KCP: variants seen among roughly 807,000 people sequenced by gnomAD.
KCP encodes the protein kielin cysteine rich BMP regulator, also known as kielin/chordin-like protein.
KCP carries 194 observed loss-of-function variants against 212.7 expected under a neutral mutation model. That is an observed-to-expected ratio of 0.91 (90% CI 0.81 to 1.03). The LOEUF is 1.03. Ranked by LOEUF, KCP falls within the 50% of genes least tolerant of loss-of-function variation. The pLI is 0.00. For synonymous variants in KCP, 833 were observed against 865.3 expected, an observed-to-expected ratio of 0.96 and a Z score of 0.65; for missense variants, 2,080 against 2,162.5, an observed-to-expected ratio of 0.96 and a Z score of 0.76.
chr7:128,883,802 C>G (rs1424730512), intron 29 of KCP, among the ~76,000 whole-genome samples, 200 bp downstream of exon 29: 2 of 152,238 alleles, frequency 1.3e-5, no homozygotes, highest in East Asian at 3.8e-4. Flanking sequence ...CAAACTGCAC[C>G]CAGCTGCGGA....
chr7:128,902,044 G>C (rs561514019), intron 8 of KCP, among the ~76,000 whole-genome samples: 5 of 152,252 alleles, frequency 3.3e-5, no homozygotes, highest in South Asian at 2.1e-4. Context: ...GTCATTTTAA[G>C]TGCTCCAGCA....
In KCP at chr7:128,902,849, T is replaced by C; in HGVS notation, c.759A>G (p.Glu253=). The C allele has an allele frequency of 1.9e-6, 3 of 1,551,354 alleles. No homozygotes were observed. Among genetic ancestry groups the C allele is most frequent in the Non-Finnish European group, 2.6e-6 (3 of 1,146,970 alleles). ...HCCPTCQGCT[E]GGSHWEHGQE... ...GGCCATGTTCCCAGTGAGAGCCACC[T>C]TCTGTGCAGCCTAGGGTTGAGGGGT... The change falls in exon 8 of 40, where the codon GAA becomes GAG. Residue 253 remains glutamate, a synonymous_variant. Coordinates refer to ENST00000610776, the MANE Select transcript of KCP (RefSeq NM_001366122.1).
At chr7:128,887,971 GCA>G (rs1192312789) in intron 22 of KCP, among the ~76,000 whole-genome samples, 8 of 96,698 alleles carry the variant, frequency 8.3e-5, no homozygotes, top group Non-Finnish European at 1.7e-4. Context: ...ATACACAGAT[GCA>G]CACACACCCA....
At position 128,891,246 on chromosome 7, in the gene KCP, G is replaced by C; in HGVS notation, c.1911C>G (p.Cys637Trp). Residue 637 changes from cysteine (C) to tryptophan (W), a missense_variant, in exon 19 of 40, where the codon TGC (cysteine) becomes TGG (tryptophan). Cys to Trp is a radical substitution (Grantham distance 215). Coordinates refer to ENST00000610776, the MANE Select transcript of KCP (RefSeq NM_001366122.1). ...CAGGCTCTGGACAGGGCAGCGGCAC[G>C]CAGCGGCGGGCCAGGCACTGCACGT... ...SGNVQCLARR[C>W]VPLPCPEPVL... The C allele has an allele frequency of 6.5e-7, 1 of 1,546,936 alleles. No homozygotes were observed. The highest frequency in any genetic ancestry group is 8.7e-7 in the Non-Finnish European group (1 of 1,146,690).
intron 8 of KCP, 33 bp from the exon 9 acceptor site, chr7:128,894,326 A>G: frequency 6.9e-7 from 1 of 1,457,278 alleles, no homozygotes; most frequent in Non-Finnish European, 9.2e-7. Flanking sequence ...GAAGGGGCCG[A>G]CAGGGCTCAA....
chr7:128,891,186 T>C lies in KCP; in HGVS notation c.1971A>G (p.Pro657=). The C allele has an allele frequency of 6.5e-7, 1 of 1,542,896 alleles. No homozygotes were observed. The highest frequency in any genetic ancestry group is 2.0e-5 in the Admixed American group (1 of 50,956). ...GCAGCCGAGGGGTGCGGCCCCTACC[T>C]GGGCACTGCGGGCAGCACTCTCCCG... ...LLPGECCPQC[P]AAPAPAGCPR... The change falls in exon 19 of 40, where the codon CCA becomes CCG. Residue 657 remains proline, a splice_region_variant and synonymous_variant. Coordinates refer to ENST00000610776, the MANE Select transcript of KCP (RefSeq NM_001366122.1).
intron 1 of KCP, 64 bp downstream of exon 1, chr7:128,910,537 C>A: frequency 7.0e-7 from 1 of 1,426,764 alleles, no homozygotes; most frequent in Non-Finnish European, 9.3e-7. Context: ...CCCCCTCAGG[C>A]CGGGCTGATA....
chr7:128,893,574 A>T, intron 11 of KCP, 98 bp from the exon 12 acceptor site: 1 of 1,079,710 alleles, frequency 9.3e-7, no homozygotes, highest in Non-Finnish European at 1.4e-6. Flanking sequence ...GACAAAGAAG[A>T]CCCAGCCGAG....
rs1793033950 is a variant in KCP, at chr7:128,877,132, G to A, written c.4798C>T (p.Pro1600Ser). ...LVEHEAHCIP[P>S]EACPQVLLTG... is the part of the protein sequence containing the mutation. ...AGCAGGACTTGGGGGCAGGCCTCGG[G>A]TGGGATGCAGTGGGCCTCATGCTCC... The change falls in exon 40 of 40, where the codon CCC becomes TCC. Residue 1600 changes from proline (P) to serine (S), a missense_variant. Coordinates refer to ENST00000610776, the MANE Select transcript of KCP (RefSeq NM_001366122.1). 3 of 1,508,158 alleles carry A rather than the reference G, an allele frequency of 2.0e-6. No individual in the cohort carries two copies. Among genetic ancestry groups the A allele is most frequent in the Non-Finnish European group, 1.8e-6 (2 of 1,129,870 alleles). The allele number at this position is 1,508,158 out of a possible 1,614,324, so 93.4% of individuals were successfully genotyped here. A position where few individuals can be genotyped will look rare whatever the true frequency, so the allele number is the denominator to read the frequency against.
chr7:128,891,608 T>A lies in KCP; in HGVS notation c.1795+38A>T, dbSNP rs756199785. The stretch of plus-strand genomic sequence containing the variant: ...GTGCTGCCTTCCGGGGGCCATGCCA[T>A]CCCATCCCAGAAGGCCGCCCTGACC... On this transcript the variant is annotated intron_variant, in intron 17 of 39. Transcript: ENST00000610776. The A allele has an allele frequency of 2.8e-5, 42 of 1,507,228 alleles. No homozygotes were observed. In the South Asian group the frequency reaches 4.8e-4, roughly 17 times the overall value. 93.4% of individuals were successfully genotyped at this position (1,507,228 alleles called of 1,614,324 possible).
At chr7:128,880,810 G>C (rs1220880886) in intron 32 of KCP, 89 bp from the exon 33 acceptor site, 1 of 403,350 alleles carries the variant, frequency 2.5e-6, no homozygotes, top group Non-Finnish European at 4.4e-6. Flanking sequence ...ATGGACTTCT[G>C]CCTGCCCCTC....
In KCP at chr7:128,909,701, G is replaced by A. The variant is rs1795330676; in HGVS notation, c.76+900C>T. Among the ~76,000 whole-genome samples, 3 of 152,126 alleles carry A rather than the reference G, an allele frequency of 2.0e-5. No individual in the cohort carries two copies. In the South Asian group the frequency reaches 6.2e-4, roughly 31 times the overall value. On this transcript the variant is annotated intron_variant, in intron 1 of 39. Transcript: ENST00000610776. ...GACCTTTCTGAATCACACAGCCGAA[G>A]TCTCCCAGGAGCAAGTCCCGCTGGG... is the stretch of plus-strand genomic sequence containing the variant.
rs1307476217 is a variant in KCP at position 128,881,034 on chromosome 7, C to T, written c.3476G>A (p.Arg1159Gln). ...GGCGATGCACGCATTGCTGGGGTCC[C>T]GCCAGCTCTCTCCATCTGCCACTCT... is the stretch of plus-strand genomic sequence containing the variant. ...GRRVADGESW[R>Q]DPSNACIACT... The change falls in exon 32 of 40, where the codon CGG becomes CAG. Residue 1159 changes from arginine (R) to glutamine (Q), a missense_variant. Arg to Gln is a conservative substitution (Grantham distance 43, BLOSUM62 1). Coordinates refer to ENST00000610776, the MANE Select transcript of KCP (RefSeq NM_001366122.1). 3.0e-5 allele frequency: 12 copies of T among 398,882 alleles called. No individual in the cohort carries two copies. Among genetic ancestry groups the T allele is most frequent in the African/African-American group, 4.1e-5 (2 of 48,746 alleles). 24.7% of individuals were successfully genotyped at this position (398,882 alleles called of 1,614,324 possible). A position where few individuals can be genotyped will look rare whatever the true frequency, so the allele number is the denominator to read the frequency against.
intron 23 of KCP, 124 bp downstream of exon 23, chr7:128,887,091 T>A: frequency 9.3e-7 from 1 of 1,075,490 alleles, no homozygotes; most frequent in East Asian, 2.6e-5. Context: ...CCCAGTCCTG[T>A]CCCATGAGAT....
rs767902017 is a variant in KCP at position 128,885,132 on chromosome 7, C to T, written c.3005G>A (p.Arg1002His). 19 of 1,550,266 alleles carry T rather than the reference C, an allele frequency of 1.2e-5. No homozygotes were observed. The highest frequency in any genetic ancestry group is 1.1e-4 in the South Asian group (9 of 84,064). The stretch of plus-strand genomic sequence containing the variant: ...AGGACAGCAGTCATGGGGCCCTTGG[C>T]GGGGCTGGGCGCAAGAGCTGATGCA... ...IQCISSCAQP[R>H]QGPHDCCPQC... Residue 1002 changes from arginine (R) to histidine (H), a missense_variant, in exon 27 of 40, where the codon CGC becomes CAC. Physicochemically the swap from Arg to His is conservative, Grantham distance 29. Transcript: ENST00000610776.
At chr7:128,889,684 CA>C (rs1793963652) in intron 21 of KCP, among the ~76,000 whole-genome samples, 1 of 152,134 alleles carries the variant, frequency 6.6e-6, no homozygotes, top group African/African-American at 2.4e-5. Flanking sequence ...CTTTCTAAAT[CA>C]AATTAAATTA....
chr7:128,910,389 G>GC (rs1235742730), intron 1 of KCP, among the ~76,000 whole-genome samples: 1 of 152,184 alleles, frequency 6.6e-6, no homozygotes, highest in Admixed American at 6.5e-5. Context: ...TGCAGGAACC[G>GC]CCCCCCTCTC....
In KCP at chr7:128,892,704, T is replaced by C. The variant is rs1199175012; in HGVS notation, c.1511A>G (p.His504Arg). The change falls in exon 15 of 40, where the codon CAT becomes CGT. Residue 504 changes from histidine (H) to arginine (R), a missense_variant. Transcript: ENST00000610776. Reference protein sequence around the residue: ...QNFTDADSPCHACHCQDGTVT... With the variant: ...QNFTDADSPCRACHCQDGTVT... ...GGCAGTTACCTGACAGTGGCAGGCATGGCAAGGGCTGTCTGCATCCGTGAA... is the reference window on the plus strand; with the variant it reads ...GGCAGTTACCTGACAGTGGCAGGCACGGCAAGGGCTGTCTGCATCCGTGAA... The C allele has an allele frequency of 1.3e-6, 2 of 1,551,556 alleles. No individual in the cohort carries two copies. Among genetic ancestry groups the C allele is most frequent in the Non-Finnish European group, 1.7e-6 (2 of 1,146,910 alleles).
intron 8 of KCP, 28 bp downstream of exon 8, chr7:128,902,748 GA>G: frequency 6.5e-7 from 1 of 1,541,716 alleles, no homozygotes; most frequent in Non-Finnish European, 8.8e-7. Flanking sequence ...CAGGGAGGGG[GA>G]CAGACCAGGA....
Sources: allele counts gnomAD v4.1 joint callset (sites outside exome capture counted in the v4.1 genomes callset), GRCh38; gene constraint gnomAD v4.1.1; transcripts MANE v1.5; gene names NCBI Gene and HGNC (gene_info 2026-07-23, HGNC 2026-07-21).